MAP4: variants seen among roughly 807,000 people sequenced by gnomAD.
MAP4 encodes the protein microtubule associated protein 4, also known as microtubule-associated protein 4.
Under a neutral mutation model 170.2 loss-of-function variants are expected in MAP4, and 76 were observed. That is an observed-to-expected ratio of 0.45 (90% CI 0.37 to 0.54). MAP4 has a LOEUF of 0.54. Among genes scored for constraint, MAP4 ranks in the 20% least tolerant of loss-of-function variants. MAP4 has a pLI of 0.00. For synonymous variants in MAP4, 909 were observed against 994.5 expected (o/e 0.91, Z 1.62); for missense variants, 2,506 against 2,748.0 (o/e 0.91, Z 1.97).
At chr3:48,022,903 A>G (rs979362349) in intron 1 of MAP4, among the ~76,000 whole-genome samples, 19 of 152,170 alleles carry the variant, frequency 1.2e-4, no homozygotes, top group Non-Finnish European at 2.5e-4. Context: ...GGGGGAAAAA[A>G]AAAAATTTAT....
rs2100139805 is a variant in MAP4 at position 48,069,149 on chromosome 3, G to A, written c.-20+19624C>T. On this transcript the variant is annotated intron_variant, in intron 1 of 18. Coordinates refer to the MAP4 transcript ENST00000360240. ...CTGGGACTCAAAGTGGTTCCAGTAA[G>A]TCCATGAGTTTCATATTTCACAGCC... 1.3e-5 allele frequency among the ~76,000 whole-genome samples: 2 copies of A among 152,168 alleles called. 1 individual carries two copies. The highest frequency in any genetic ancestry group is 4.1e-4 in the South Asian group (2 of 4,834).
At chr3:48,022,754 G>T (rs759689627) in intron 1 of MAP4, among the ~76,000 whole-genome samples, 1 of 152,152 alleles carries the variant, frequency 6.6e-6, no homozygotes, top group Non-Finnish European at 1.5e-5. Flanking sequence ...AGCTGTGCGT[G>T]GTGGCATGCG....
rs979458471 is a variant in MAP4 at position 48,050,475 on chromosome 3, C to A, written c.-20+38298G>T. Among the ~76,000 whole-genome samples, 3 of 151,792 alleles carry A rather than the reference C, an allele frequency of 2.0e-5. No individual in the cohort carries two copies. The South Asian group carries it at 6.2e-4, about 31-fold the overall frequency. ...TAAATGTGAAAAAAAAATTCAGCCT[C>A]TTTCATCTAAAAAGAAATACAAATT... On this transcript the variant is annotated intron_variant, in intron 1 of 18. Transcript: ENST00000360240.
intron 1 of MAP4, among the ~76,000 whole-genome samples, chr3:48,050,025 C>T (rs1169880771): frequency 6.6e-6 from 1 of 151,378 alleles, no homozygotes; most frequent in Non-Finnish European, 1.5e-5. Flanking sequence ...TTTGGGAGGC[C>T]AAGGCGGGTG....
At chr3:48,013,641 T>G (rs1185653201) in intron 1 of MAP4, 2 of 151,216 alleles carry the variant, frequency 1.3e-5, no homozygotes, top group Admixed American at 6.6e-5. Context: ...AGTGTGAATA[T>G]GAACAACTAT....
chr3:47,941,220 CAAAAAAAAA>C (rs745693695), intron 3 of MAP4, among the ~76,000 whole-genome samples: 14 of 45,850 alleles, frequency 3.1e-4, no homozygotes, highest in Admixed American at 9.6e-4. Context: ...CTATCTCTAC[CAAAAAAAAA>C]AAAAAAAAAA....
intron 3 of MAP4, among the ~76,000 whole-genome samples, chr3:47,955,417 A>G (rs969586594): frequency 2.8e-5 from 4 of 145,114 alleles, no homozygotes; most frequent in African/African-American, 7.6e-5. Context: ...ATTCCAAAAA[A>G]ATAAATAAAT....
At chr3:47,973,123 C>T (rs762587969) in intron 3 of MAP4, 1 of 982,806 alleles carries the variant, frequency 1.0e-6, no homozygotes, top group African/African-American at 1.7e-5. Flanking sequence ...TTATTTAGTA[C>T]AGTAATCACA....
At chr3:47,962,582 T>C (rs1221606102) in intron 3 of MAP4, among the ~76,000 whole-genome samples, 2 of 152,248 alleles carry the variant, frequency 1.3e-5, no homozygotes, top group African/African-American at 4.8e-5. Context: ...TAGTAAATTC[T>C]CTGTTCAATT....
intron 17 of MAP4, among the ~76,000 whole-genome samples, chr3:47,860,758 A>G (rs1354973777): frequency 6.6e-6 from 1 of 152,194 alleles, no homozygotes; most frequent in African/African-American, 2.4e-5. Context: ...AATAAACCTC[A>G]TTACCTACTT....
chr3:47,924,064 T>C (rs568167577), intron 4 of MAP4, among the ~76,000 whole-genome samples: 6 of 152,310 alleles, frequency 3.9e-5, no homozygotes, highest in Admixed American at 3.9e-4. Context: ...TAGATGATTC[T>C]TACAGAGTTC....
Position 47,871,796 on chromosome 3 carries a change from G to T in MAP4, c.5941+121C>A, listed in dbSNP as rs932855595. ...CCACTGTTCCAGGTAGTCCACTAAG[G>T]ACCGGTGCGTAAGCAGGCCTGCACA... On this transcript the variant is annotated intron_variant, in intron 13 of 20. Coordinates refer to ENST00000683076, the MANE Select transcript of MAP4 (RefSeq NM_001385682.1). 6 of 905,828 alleles carry T rather than the reference G, an allele frequency of 6.6e-6. No homozygotes were observed. The East Asian group carries it at 7.4e-5, about 11-fold the overall frequency. The allele number at this position is 905,828 out of a possible 1,614,324, so 56.1% of individuals were successfully genotyped here.
chr3:47,990,309 A>G (rs141542141), intron 2 of MAP4, among the ~76,000 whole-genome samples: 1,525 of 152,296 alleles, frequency 0.01, 15 homozygotes, highest in Non-Finnish European at 0.014. Context: ...TTGTTAAAAC[A>G]GACTGCTGGT....
intron 6 of MAP4, among the ~76,000 whole-genome samples, chr3:47,918,485 A>AT (rs1553620701): frequency 5.3e-5 from 8 of 152,264 alleles, no homozygotes; most frequent in African/African-American, 1.9e-4. Context: ...TGATGAAAAA[A>AT]ATATATATAT....
At chr3:48,070,725 G>A (rs934045073) in intron 1 of MAP4, among the ~76,000 whole-genome samples, 3 of 151,848 alleles carry the variant, frequency 2.0e-5, no homozygotes, top group African/African-American at 7.3e-5. Flanking sequence ...TGTGGGCCAG[G>A]TGTGGTGGCT....
At chr3:48,038,081 T>A (rs1359219941) in intron 1 of MAP4, among the ~76,000 whole-genome samples, 2 of 149,530 alleles carry the variant, frequency 1.3e-5, no homozygotes, top group African/African-American at 4.9e-5. Flanking sequence ...GGCAAGAGAA[T>A]CGCTTCAACC....
rs546007855 is a variant in MAP4 at position 47,884,967 on chromosome 3, A to G, written c.5435-7444T>C. Among the ~76,000 whole-genome samples, 3 of 152,156 alleles carry G rather than the reference A, an allele frequency of 2.0e-5. No individual in the cohort carries two copies. In the East Asian group the frequency reaches 5.8e-4, roughly 29 times the overall value. ...ACCAGGCCTATAGCTTCTGCTGAGT[A>G]TGGAGTGGACAACAGGAAGGCCCTT... is the stretch of plus-strand genomic sequence containing the variant. On this transcript the variant is annotated intron_variant, in intron 10 of 20. Transcript: ENST00000683076.
At chr3:47,949,827 C>T (rs980213406) in intron 3 of MAP4, among the ~76,000 whole-genome samples, 5 of 152,138 alleles carry the variant, frequency 3.3e-5, no homozygotes, top group Non-Finnish European at 5.9e-5. Context: ...TTCTTTCTCC[C>T]GTGGCCTCAT....
At chr3:47,920,085 C>T (rs2100041942) in intron 5 of MAP4, among the ~76,000 whole-genome samples, 1 of 152,204 alleles carries the variant, frequency 6.6e-6, no homozygotes, top group African/African-American at 2.4e-5. Context: ...ATTCTTCTGA[C>T]TCAGCCTCCT....
Sources: gnomAD v4.1 joint callset for allele counts (sites outside exome capture counted in the v4.1 genomes callset) on GRCh38, gnomAD v4.1.1 for gene constraint, MANE v1.5 for transcripts, NCBI Gene and HGNC (gene_info 2026-07-23, HGNC 2026-07-21) for gene names.